The following AGBL1 variants were observed in gnomAD, a reference collection of about 807,000 sequenced individuals.
AGBL1 encodes AGBL carboxypeptidase 1.
AGBL1 carries 130 observed loss-of-function variants against 118.9 expected under a neutral mutation model. That is an observed-to-expected ratio of 1.09 (90% CI 0.95 to 1.26). The LOEUF (loss-of-function observed/expected upper bound fraction) is 1.26. Among genes scored for constraint, AGBL1 ranks in the 50% most tolerant of loss-of-function variants. The pLI is 0.00. For missense variants in AGBL1, 1,584 were observed against 1,298.1 expected (o/e 1.22, Z -3.38); for synonymous variants, 555 against 478.9 (o/e 1.16, Z -2.08).
intron 6 of AGBL1, among the ~76,000 whole-genome samples, chr15:86,231,497 G>T (rs1304906591): frequency 6.6e-6 from 1 of 152,200 alleles, no homozygotes; most frequent in Non-Finnish European, 1.5e-5. Context: ...TTTTGCATTT[G>T]TTACACTGGG....
chr15:86,810,905 T>C (rs1335636898), intron 22 of AGBL1, among the ~76,000 whole-genome samples: 1 of 152,100 alleles, frequency 6.6e-6, no homozygotes, highest in East Asian at 1.9e-4. Context: ...GGAGGGGAAA[T>C]TGTTCACTAG....
At chr15:86,986,736 T>C (rs1440223979) in intron 23 of AGBL1, among the ~76,000 whole-genome samples, 2 of 152,230 alleles carry the variant, frequency 1.3e-5, no homozygotes, top group African/African-American at 4.8e-5. Flanking sequence ...TGCTGGTAAT[T>C]TGCAGTGTCC....
Position 86,579,994 on chromosome 15 carries a change from G to T in AGBL1, c.2994+25457G>T, listed in dbSNP as rs554231303. On this transcript the variant is annotated intron_variant, in intron 21 of 22. Transcript: ENST00000614907. ...ATATGCATCAGAAAGTGAAGCATAG[G>T]CAGGGGAACTACCAATTTCTTTTGA... Among the ~76,000 whole-genome samples, 24 of 152,336 alleles carry T rather than the reference G, an allele frequency of 1.6e-4. 1 individual carries two copies. Among genetic ancestry groups the T allele is most frequent in the Middle Eastern group, 6.8e-3 (2 of 294 alleles).
chr15:86,300,721 C>T (rs77864568), intron 17 of AGBL1, among the ~76,000 whole-genome samples: 1,758 of 152,256 alleles, frequency 0.012, 12 homozygotes, highest in South Asian at 0.023. Context: ...TCCAGGGGGC[C>T]TGAGGTGGGG....
intron 22 of AGBL1, among the ~76,000 whole-genome samples, chr15:86,712,131 A>G (rs1384770616): frequency 2.0e-5 from 3 of 152,196 alleles, no homozygotes. Context: ...AACCTAAGCT[A>G]CTAATACATT....
chr15:86,149,410 T>G (rs190846952), intron 3 of AGBL1, among the ~76,000 whole-genome samples: 117 of 151,784 alleles, frequency 7.7e-4, no homozygotes, highest in Admixed American at 2.4e-3. Context: ...GCACATAGGC[T>G]CAAAATAAAG....
intron 22 of AGBL1, among the ~76,000 whole-genome samples, chr15:86,698,945 C>T (rs1347828240): frequency 6.6e-6 from 1 of 151,900 alleles, no homozygotes; most frequent in Non-Finnish European, 1.5e-5. Context: ...GTGGATTCCT[C>T]TTAGTAAGAT....
At chr15:86,713,386 A>G (rs1013197259) in intron 22 of AGBL1, among the ~76,000 whole-genome samples, 1 of 152,186 alleles carries the variant, frequency 6.6e-6, no homozygotes, top group African/African-American at 2.4e-5. Context: ...TTTCTAAAAT[A>G]TACAAATCCA....
rs1326273173 is a variant in AGBL1 at position 86,419,758 on chromosome 15, G to GA, written c.2555+22213dup. Among the ~76,000 whole-genome samples the GA allele has an allele frequency of 3.3e-5, 5 of 152,270 alleles. No individual in the cohort carries two copies. The East Asian group carries it at 9.7e-4, about 29-fold the overall frequency. On this transcript the variant is annotated intron_variant, in intron 18 of 22. Transcript: ENST00000614907. ...GCACAGCAGTCTGAAGTCGACCTGG[G>GA]ATGCTCTAGCTTTGTTGGGGGAGGG...
intron 7 of AGBL1, among the ~76,000 whole-genome samples, chr15:86,253,169 G>C (rs1317334096): frequency 6.6e-6 from 1 of 152,200 alleles, no homozygotes; most frequent in South Asian, 2.1e-4. Flanking sequence ...ATGAGATTGA[G>C]TTGGAGTCAT....
intron 19 of AGBL1, among the ~76,000 whole-genome samples, chr15:86,530,139 C>A (rs2083328591): frequency 7.1e-6 from 1 of 141,070 alleles, no homozygotes; most frequent in East Asian, 1.9e-4. Flanking sequence ...GGACTAAATT[C>A]TCCAATTAAA....
intron 23 of AGBL1, among the ~76,000 whole-genome samples, chr15:86,940,576 C>T (rs994759180): frequency 1.3e-5 from 2 of 152,132 alleles, no homozygotes; most frequent in African/African-American, 4.8e-5. Flanking sequence ...TTGTTACAAA[C>T]TAAGTGCACA....
Position 86,154,231 on chromosome 15 carries a change from T to A in AGBL1, c.263-199T>A, listed in dbSNP as rs190957260. Among the ~76,000 whole-genome samples the A allele has an allele frequency of 1.8e-3, 274 of 152,242 alleles. 3 individuals are homozygous for A. The highest frequency in any genetic ancestry group is 1.2e-3 in the Non-Finnish European group (80 of 68,018). ...CAACCCACAAGCTTCCATGTAAATATGTGTAGCCTGAATTAGCTCTTTTGA... is the reference window on the plus strand; with the variant it reads ...CAACCCACAAGCTTCCATGTAAATAAGTGTAGCCTGAATTAGCTCTTTTGA... On this transcript the variant is annotated intron_variant, in intron 3 of 22. Coordinates refer to ENST00000614907, the MANE Select transcript of AGBL1 (RefSeq NM_001386094.1).
intron 21 of AGBL1, among the ~76,000 whole-genome samples, chr15:86,627,689 T>C (rs759827738): frequency 1.3e-5 from 2 of 151,912 alleles, no homozygotes; most frequent in Non-Finnish European, 2.9e-5. Flanking sequence ...AGAAAGAAAG[T>C]AAAGCTAATG....
At chr15:86,580,349 G>T (rs958499565) in intron 21 of AGBL1, among the ~76,000 whole-genome samples, 1 of 152,114 alleles carries the variant, frequency 6.6e-6, no homozygotes, top group Admixed American at 6.5e-5. Flanking sequence ...AAAAAAGGGA[G>T]TCTGAGTCAA....
At chr15:86,461,037 A>G (rs8035016) in intron 18 of AGBL1, among the ~76,000 whole-genome samples, 69,499 of 152,134 alleles carry the variant, frequency 0.46, 16,475 homozygotes, top group Middle Eastern at 0.55. Flanking sequence ...TGTTTTGGAT[A>G]TGAGCTAAGC....
chr15:86,879,026 A>G (rs2079853273), intron 22 of AGBL1, among the ~76,000 whole-genome samples: 1 of 152,210 alleles, frequency 6.6e-6, no homozygotes, highest in Non-Finnish European at 1.5e-5. Flanking sequence ...CATGAGTCAG[A>G]CCAAGAGGGG....
At chr15:86,361,357 GACTTA>G (rs1205123915) in intron 17 of AGBL1, among the ~76,000 whole-genome samples, 1 of 151,980 alleles carries the variant, frequency 6.6e-6, no homozygotes, top group African/African-American at 2.4e-5. Context: ...ATTGTTTAGT[GACTTA>G]ACTTGTGATC....
chr15:86,810,502 C>T (rs1437085782), intron 22 of AGBL1, among the ~76,000 whole-genome samples: 1 of 152,092 alleles, frequency 6.6e-6, no homozygotes, highest in Non-Finnish European at 1.5e-5. Context: ...GGCCCCATTA[C>T]TGAGAATATT....
Sources: allele counts gnomAD v4.1 joint callset (sites outside exome capture counted in the v4.1 genomes callset), GRCh38; gene constraint gnomAD v4.1.1; transcripts MANE v1.5; gene names NCBI Gene and HGNC (gene_info 2026-07-23, HGNC 2026-07-21).